The following PLA2G6 variants were observed in gnomAD, a reference collection of about 807,000 sequenced individuals.
The protein encoded by PLA2G6 is phospholipase A2 group VI, also known as 85/88 kDa calcium-independent phospholipase A2.
A neutral mutation model predicts 83.8 loss-of-function variants in PLA2G6; 62 were observed. That is an observed-to-expected ratio of 0.74 (90% CI 0.60 to 0.91). The LOEUF (loss-of-function observed/expected upper bound fraction) is 0.91, where lower values mean the gene tolerates loss of function less well. PLA2G6 is among the 40% of genes least tolerant of loss of function. The pLI, the probability that PLA2G6 is intolerant of heterozygous loss-of-function variation, is 0.00. For synonymous variants in PLA2G6, 417 were observed against 449.8 expected (o/e 0.93, Z 0.92); for missense variants, 944 against 1,102.0 (o/e 0.86, Z 2.03).
At chr22:38,112,902 TC>T in intron 15 of PLA2G6, 8 of 503,584 alleles carry the variant, frequency 1.6e-5, no homozygotes, top group Non-Finnish European at 2.5e-5. Context: ...TCTCTCTCTC[TC>T]TCTCTTTCTT....
chr22:38,124,916 C>A (rs1480143163), intron 10 of PLA2G6, among the ~76,000 whole-genome samples: 1 of 152,170 alleles, frequency 6.6e-6, no homozygotes, highest in African/African-American at 2.4e-5. Flanking sequence ...AGAGATCAAC[C>A]CAGAGGGCGC....
At chr22:38,167,351 C>A (rs2090260843) in intron 2 of PLA2G6, among the ~76,000 whole-genome samples, 5 of 152,166 alleles carry the variant, frequency 3.3e-5, no homozygotes, top group Admixed American at 3.3e-4. Flanking sequence ...TCTGCCCACA[C>A]TGGGGCTTAA....
At chr22:38,144,366 A>G (rs2089107824) in intron 3 of PLA2G6, 1 of 152,466 alleles carries the variant, frequency 6.6e-6, no homozygotes, top group Non-Finnish European at 1.5e-5. Flanking sequence ...ATGGTGGCTC[A>G]CGCCTGTAAT....
At chr22:38,155,120 G>T (rs557058743) in intron 2 of PLA2G6, among the ~76,000 whole-genome samples, 2 of 151,996 alleles carry the variant, frequency 1.3e-5, no homozygotes, top group Non-Finnish European at 2.9e-5. Context: ...CCAGCTACTC[G>T]GGAGGCTGAG....
In PLA2G6 at chr22:38,175,063, G is replaced by A. The variant is rs376460849; in HGVS notation, c.-45-5592C>T. On this transcript the variant is annotated intron_variant, in intron 1 of 16. Coordinates refer to ENST00000332509, the MANE Select transcript of PLA2G6 (RefSeq NM_003560.4). ...GGCAGGTCTCAGGCACGGGAGGAGC[G>A]GTCCCTGCCCTCTGATTGCTGCTAC... is the stretch of plus-strand genomic sequence containing the variant. Among the ~76,000 whole-genome samples, 33 of 152,250 alleles carry A rather than the reference G, an allele frequency of 2.2e-4. No individual in the cohort carries two copies. The East Asian group carries it at 4.6e-3, about 21-fold the overall frequency.
At chr22:38,133,289 TCCTTGCAAAGG>T in intron 6 of PLA2G6, 1 of 545,046 alleles carries the variant, frequency 1.8e-6, no homozygotes, top group Non-Finnish European at 3.3e-6. Context: ...GAACCCACTC[TCCTTGCAAAGG>T]CTCCTCTGGG....
chr22:38,135,054 G>A lies in PLA2G6; in HGVS notation c.828C>T (p.Ser276=), dbSNP rs1315953912. The A allele has an allele frequency of 6.2e-7, 1 of 1,613,538 alleles. No homozygotes were observed. The highest frequency in any genetic ancestry group is 8.5e-7 in the Non-Finnish European group (1 of 1,179,886). ...GGGGGTCTTTGCTGTGGATCTGGCT[G>A]CTGTCCATGCTGATGATCATCTCCG... The part of the protein sequence containing the change: ...GCAEMIISMD[S]SQIHSKDPRY... Residue 276 remains serine (S), a synonymous_variant, in exon 6 of 17, where the codon AGC becomes AGT. Coordinates refer to ENST00000332509, the MANE Select transcript of PLA2G6 (RefSeq NM_003560.4).
intron 2 of PLA2G6, among the ~76,000 whole-genome samples, chr22:38,158,143 T>C (rs542694852): frequency 9.9e-5 from 15 of 151,848 alleles, no homozygotes; most frequent in Admixed American, 5.9e-4. Context: ...GCATCATCAT[T>C]GGGTCAAGAT....
intron 1 of PLA2G6, among the ~76,000 whole-genome samples, chr22:38,171,332 C>T (rs1400882522): frequency 6.6e-6 from 1 of 152,104 alleles, no homozygotes; most frequent in Admixed American, 6.6e-5. Flanking sequence ...GCTTGGTTCT[C>T]GTGGTTCTCA....
intron 14 of PLA2G6, among the ~76,000 whole-genome samples, chr22:38,114,557 C>T (rs1296774292): frequency 6.6e-6 from 1 of 152,228 alleles, no homozygotes; most frequent in Non-Finnish European, 1.5e-5. Flanking sequence ...ATGCCTCCCA[C>T]TCTGGGTCCC....
Position 38,112,323 on chromosome 22 carries a change from G to A in PLA2G6, c.2277-18C>T, listed in dbSNP as rs1461185572. On this transcript the variant is annotated intron_variant, in intron 16 of 16. Coordinates refer to ENST00000332509, the MANE Select transcript of PLA2G6 (RefSeq NM_003560.4). ...GGTTCAATCTGTTCGGGCCAGGGAG[G>A]AGGGGGTCACCCTAGGATGCTCAGG... The A allele has an allele frequency of 1.2e-6, 2 of 1,612,476 alleles. No homozygotes were observed.
At position 38,181,500 on chromosome 22, in the gene PLA2G6, G is replaced by A. The variant is rs2090845680; in HGVS notation, c.-46+164C>T. ...CTGAGGGAGACACACGGAGGAGACT[G>A]GGGTTCAGGGGAGAAACTCAGGGTC... On this transcript the variant is annotated intron_variant, in intron 1 of 16. Coordinates refer to ENST00000332509, the MANE Select transcript of PLA2G6 (RefSeq NM_003560.4). 1.3e-5 allele frequency among the ~76,000 whole-genome samples: 2 copies of A among 152,082 alleles called. 1 individual carries two copies. Among genetic ancestry groups the A allele is most frequent in the South Asian group, 4.2e-4 (2 of 4,816 alleles).
intron 3 of PLA2G6, chr22:38,143,829 C>A: frequency 4.5e-6 from 1 of 221,246 alleles, no homozygotes; most frequent in Non-Finnish European, 9.2e-6. Flanking sequence ...CTGCAACCTC[C>A]GCCTCTGGGT....
Position 38,157,754 on chromosome 22 carries a change from G to A in PLA2G6, c.209+11464C>T, listed in dbSNP as rs915961764. ...ACAACACATTAAAAAGGTCACTCACGGCCAGGCGCAGTGGCTCACACCTGT... is the reference window on the plus strand; with the variant it reads ...ACAACACATTAAAAAGGTCACTCACAGCCAGGCGCAGTGGCTCACACCTGT... On this transcript the variant is annotated intron_variant, in intron 2 of 16. Transcript: ENST00000332509. 2.7e-4 allele frequency among the ~76,000 whole-genome samples: 41 copies of A among 152,198 alleles called. 1 individual carries two copies. The highest frequency in any genetic ancestry group is 8.9e-4 in the African/African-American group (37 of 41,558).
chr22:38,115,892 T>C (rs2087161716), intron 13 of PLA2G6, 183 bp downstream of exon 13: 1 of 1,475,338 alleles, frequency 6.8e-7, no homozygotes, highest in South Asian at 1.3e-5. Flanking sequence ...CAGGGACTTT[T>C]CTAACCTGCC....
chr22:38,162,407 T>C (rs1443526250), intron 2 of PLA2G6, among the ~76,000 whole-genome samples: 2 of 151,608 alleles, frequency 1.3e-5, no homozygotes, highest in Non-Finnish European at 2.9e-5. Flanking sequence ...CCATGCTGGG[T>C]ACAAAGCAAG....
chr22:38,125,211 CGT>C (rs552278842), intron 10 of PLA2G6, among the ~76,000 whole-genome samples: 73 of 152,130 alleles, frequency 4.8e-4, no homozygotes, highest in East Asian at 2.5e-3. Context: ...TGTGCATGCA[CGT>C]GTGTTTGCAT....
intron 2 of PLA2G6, among the ~76,000 whole-genome samples, chr22:38,158,850 T>C (rs888745488): frequency 1.3e-5 from 2 of 152,150 alleles, no homozygotes; most frequent in Admixed American, 6.5e-5. Flanking sequence ...ATGGGGCCAT[T>C]AGGAGGTAAT....
At chr22:38,178,281 A>G (rs183102427) in intron 1 of PLA2G6, among the ~76,000 whole-genome samples, 1 of 152,324 alleles carries the variant, frequency 6.6e-6, no homozygotes. Flanking sequence ...TCGTAAACAA[A>G]ACAGACTGGT....
Sources: allele counts gnomAD v4.1 joint callset (sites outside exome capture counted in the v4.1 genomes callset), GRCh38; gene constraint gnomAD v4.1.1; transcripts MANE v1.5; gene names NCBI Gene and HGNC (gene_info 2026-07-23, HGNC 2026-07-21).